GABRB2: variants seen among roughly 807,000 people sequenced by gnomAD.
GABRB2 encodes the protein gamma-aminobutyric acid receptor subunit beta-2.
GABRB2 carries 16 observed loss-of-function variants against 54.7 expected under a neutral mutation model. That is an observed-to-expected ratio of 0.29 (90% CI 0.20 to 0.44). The LOEUF is 0.44. Ranked by LOEUF, GABRB2 falls within the 20% of genes least tolerant of loss-of-function variation. GABRB2 has a pLI of 1.00. For synonymous variants in GABRB2, 244 were observed against 233.8 expected (o/e 1.04, Z -0.40); for missense variants, 355 against 644.0 (o/e 0.55, Z 4.86).
intron 5 of GABRB2, among the ~76,000 whole-genome samples, chr5:161,355,935 T>A (rs1321625827): frequency 6.6e-6 from 1 of 152,150 alleles, no homozygotes; most frequent in African/African-American, 2.4e-5. Context: ...AAGAACCAAC[T>A]TTATTTATTA....
intron 4 of GABRB2, among the ~76,000 whole-genome samples, chr5:161,429,345 CA>C (rs770848428): frequency 3.2e-5 from 1 of 31,424 alleles, no homozygotes; most frequent in East Asian, 1.2e-3. Context: ...GAATCCGTCT[CA>C]AAAAAAAAAA....
At chr5:161,506,507 A>G (rs920744891) in intron 3 of GABRB2, among the ~76,000 whole-genome samples, 3 of 152,148 alleles carry the variant, frequency 2.0e-5, no homozygotes, top group Non-Finnish European at 4.4e-5. Flanking sequence ...AATAGCAAAT[A>G]ATTTTCCACA....
chr5:161,505,519 A>G (rs1413353501), intron 3 of GABRB2, among the ~76,000 whole-genome samples: 2 of 152,206 alleles, frequency 1.3e-5, no homozygotes, highest in Non-Finnish European at 2.9e-5. Context: ...TATTTTTCAC[A>G]GGAACAAAAC....
chr5:161,489,970 G>C (rs113335259), intron 3 of GABRB2, among the ~76,000 whole-genome samples: 4 of 151,680 alleles, frequency 2.6e-5, no homozygotes, highest in African/African-American at 9.6e-5. Context: ...CAGGGGATAC[G>C]GAAAATGATT....
At chr5:161,502,575 A>T (rs996982865) in intron 3 of GABRB2, among the ~76,000 whole-genome samples, 5 of 152,200 alleles carry the variant, frequency 3.3e-5, no homozygotes, top group African/African-American at 1.2e-4. Flanking sequence ...TATATGAATC[A>T]ATTGTGTTTA....
At chr5:161,360,331 A>G (rs1384228215) in intron 5 of GABRB2, among the ~76,000 whole-genome samples, 1 of 152,186 alleles carries the variant, frequency 6.6e-6, no homozygotes, top group Non-Finnish European at 1.5e-5. Flanking sequence ...AAAACAAAGA[A>G]CACTAGGTTT....
chr5:161,535,961 G>A (rs1760621680), intron 3 of GABRB2, among the ~76,000 whole-genome samples: 1 of 152,052 alleles, frequency 6.6e-6, no homozygotes, highest in Non-Finnish European at 1.5e-5. Flanking sequence ...CCCCCTACTG[G>A]CTTCCTCTTG....
chr5:161,303,843 T>C (rs142251307), intron 9 of GABRB2, among the ~76,000 whole-genome samples: 2 of 152,242 alleles, frequency 1.3e-5, no homozygotes, highest in African/African-American at 4.8e-5. Flanking sequence ...TGGCCCTCAG[T>C]GTTCTTTATT....
At chr5:161,452,446 A>G (rs1178790834) in intron 4 of GABRB2, among the ~76,000 whole-genome samples, 3 of 152,146 alleles carry the variant, frequency 2.0e-5, no homozygotes, top group African/African-American at 7.2e-5. Context: ...AGTTTTTGAA[A>G]CCCAATAAAT....
At chr5:161,501,656 G>A (rs562218337) in intron 3 of GABRB2, among the ~76,000 whole-genome samples, 126 of 152,052 alleles carry the variant, frequency 8.3e-4, no homozygotes, top group African/African-American at 2.8e-3. Flanking sequence ...GTTTGACATT[G>A]AACCCGATTA....
Position 161,336,783 on chromosome 5 carries a change from CAT to C in GABRB2, c.542-16_542-15del. The stretch of plus-strand genomic sequence containing the variant: ...TTGTGTATCCATCTGTGAAAGGAAA[CAT>C]ACACACACACACACACAAATACAGA... On this transcript the variant is annotated splice_polypyrimidine_tract_variant and intron_variant, in intron 5 of 9. Transcript: ENST00000393959. 1 of 1,545,888 alleles carries C rather than the reference CAT, an allele frequency of 6.5e-7. No individual in the cohort carries two copies. The highest frequency in any genetic ancestry group is 8.7e-7 in the Non-Finnish European group (1 of 1,142,988).
intron 3 of GABRB2, among the ~76,000 whole-genome samples, chr5:161,517,171 A>C (rs1273350871): frequency 6.6e-6 from 1 of 152,166 alleles, no homozygotes; most frequent in Non-Finnish European, 1.5e-5. Context: ...AGCCTTTCAT[A>C]AAGATAGCTG....
At chr5:161,515,655 A>G (rs904565094) in intron 3 of GABRB2, among the ~76,000 whole-genome samples, 4 of 152,206 alleles carry the variant, frequency 2.6e-5, no homozygotes, top group Non-Finnish European at 4.4e-5. Context: ...AAGAACATGT[A>G]GAAGAACTCA....
chr5:161,321,015 C>A (rs1219023086), intron 9 of GABRB2, among the ~76,000 whole-genome samples: 1 of 151,872 alleles, frequency 6.6e-6, no homozygotes, highest in Non-Finnish European at 1.5e-5. Context: ...ACCACAAAAA[C>A]GTGGGACATA....
At chr5:161,490,798 T>C (rs190808619) in intron 3 of GABRB2, among the ~76,000 whole-genome samples, 43 of 151,874 alleles carry the variant, frequency 2.8e-4, no homozygotes, top group Admixed American at 2.0e-3. Context: ...CAAAACATTC[T>C]CTCAAACTAT....
chr5:161,427,934 T>C (rs1399043510), intron 4 of GABRB2, among the ~76,000 whole-genome samples: 1 of 152,180 alleles, frequency 6.6e-6, no homozygotes, highest in East Asian at 1.9e-4. Flanking sequence ...AGAGCAATTA[T>C]TTTTAAGTGA....
intron 3 of GABRB2, among the ~76,000 whole-genome samples, chr5:161,532,320 C>T (rs918968652): frequency 6.6e-6 from 1 of 152,050 alleles, no homozygotes; most frequent in Non-Finnish European, 1.5e-5. Context: ...ATTATTGTCA[C>T]AAAAGCCCAT....
chr5:161,367,033 C>A (rs1325338545), intron 5 of GABRB2, among the ~76,000 whole-genome samples: 1 of 152,110 alleles, frequency 6.6e-6, no homozygotes, highest in Non-Finnish European at 1.5e-5. Context: ...AAAGAAAAAT[C>A]AACCTTTTCA....
intron 3 of GABRB2, among the ~76,000 whole-genome samples, chr5:161,467,319 C>T (rs1474300741): frequency 1.3e-5 from 2 of 152,160 alleles, no homozygotes; most frequent in African/African-American, 2.4e-5. Flanking sequence ...GAAAGAACAA[C>T]TGTGTCTAAT....
Sources: allele counts gnomAD v4.1 joint callset (sites outside exome capture counted in the v4.1 genomes callset), GRCh38; gene constraint gnomAD v4.1.1; transcripts MANE v1.5; gene names NCBI Gene and HGNC (gene_info 2026-07-23, HGNC 2026-07-21).